ENPP2: variants seen among roughly 807,000 people sequenced by gnomAD.
The protein encoded by ENPP2 is ectonucleotide pyrophosphatase/phosphodiesterase 2.
Under a neutral mutation model 120.2 loss-of-function variants are expected in ENPP2, and 51 were observed. The ratio of observed to expected loss-of-function variants is 0.42; its 90% confidence interval spans 0.34 to 0.54. The LOEUF (loss-of-function observed/expected upper bound fraction) is 0.54, where lower values mean the gene tolerates loss of function less well. Ranked by LOEUF, ENPP2 falls within the 20% of genes least tolerant of loss-of-function variation. ENPP2 has a pLI of 0.04. For missense variants in ENPP2, 920 were observed against 1,066.5 expected (o/e 0.86, Z 1.91); for synonymous variants, 365 against 366.4 (o/e 1.00, Z 0.04).
intron 9 of ENPP2, among the ~76,000 whole-genome samples, chr8:119,605,991 A>G (rs1587460677): frequency 6.6e-6 from 1 of 152,174 alleles, no homozygotes; most frequent in East Asian, 1.9e-4. Context: ...AAAAGGCAAG[A>G]ATAATTCTAG....
At chr8:119,655,912 A>G (rs993834249) in intron 1 of ENPP2, among the ~76,000 whole-genome samples, 3 of 152,174 alleles carry the variant, frequency 2.0e-5, no homozygotes, top group African/African-American at 7.2e-5. Context: ...AACTCCTCCA[A>G]TCTCTCAAGT....
intron 1 of ENPP2, among the ~76,000 whole-genome samples, chr8:119,653,210 A>G (rs1817674438): frequency 6.6e-6 from 1 of 152,188 alleles, no homozygotes; most frequent in African/African-American, 2.4e-5. Flanking sequence ...AGAGGTCCTT[A>G]TCACCCAACC....
At chr8:119,665,314 A>G (rs1052002057) in intron 1 of ENPP2, among the ~76,000 whole-genome samples, 1 of 152,194 alleles carries the variant, frequency 6.6e-6, no homozygotes, top group Non-Finnish European at 1.5e-5. Flanking sequence ...CTCCTCAGAT[A>G]AAAATATTCC....
chr8:119,557,826 G>T (rs1334373224), intron 24 of ENPP2, 135 bp from the exon 25 acceptor site: 1 of 609,176 alleles, frequency 1.6e-6, no homozygotes, highest in East Asian at 3.2e-5. Context: ...ATCCTTCCTG[G>T]CCTCCCTGCC....
At chr8:119,570,146 C>T (rs553612750) in intron 20 of ENPP2, among the ~76,000 whole-genome samples, 10 of 151,806 alleles carry the variant, frequency 6.6e-5, no homozygotes, top group Admixed American at 2.6e-4. Context: ...GCGTGCATCT[C>T]TAATTCCAGC....
At chr8:119,624,688 G>A (rs1004988297) in intron 3 of ENPP2, among the ~76,000 whole-genome samples, 5 of 152,076 alleles carry the variant, frequency 3.3e-5, no homozygotes, top group South Asian at 2.1e-4. Context: ...TCAAAAGGAC[G>A]ATTTGTATAA....
rs1461095653 is a variant in ENPP2 at position 119,619,269 on chromosome 8, T to C, written c.454A>G (p.Ile152Val). 2 of 1,613,142 alleles carry C rather than the reference T, an allele frequency of 1.2e-6. No homozygotes were observed. The highest frequency in any genetic ancestry group is 1.3e-5 in the African/African-American group (1 of 75,016). ...CCTGCAGGGCATTCTGCGGCCTTTATTTCCTCACAGTCATCATCAACCCAA... is the reference window on the plus strand; with the variant it reads ...CCTGCAGGGCATTCTGCGGCCTTTACTTCCTCACAGTCATCATCAACCCAA... ...SHWVDDDCEE[I>V]KAAECPAGFV... The change falls in exon 5 of 25, where the codon ATA becomes GTA. Residue 152 changes from isoleucine to valine, a missense_variant. Physicochemically the swap from Ile to Val is conservative, Grantham distance 29. Coordinates refer to ENST00000075322, the MANE Select transcript of ENPP2 (RefSeq NM_001040092.3).
At chr8:119,655,871 T>C (rs559224662) in intron 1 of ENPP2, among the ~76,000 whole-genome samples, 1 of 152,316 alleles carries the variant, frequency 6.6e-6, no homozygotes, top group South Asian at 2.1e-4. Context: ...CACTATGCAA[T>C]GGGACATTTA....
chr8:119,651,597 A>G (rs1468008721), intron 1 of ENPP2, among the ~76,000 whole-genome samples: 2 of 152,218 alleles, frequency 1.3e-5, no homozygotes, highest in Admixed American at 1.3e-4. Flanking sequence ...ACCTGAGTCT[A>G]CTAAAGGCAG....
Position 119,570,783 on chromosome 8 carries a change from T to G in ENPP2, c.1839A>C (p.Leu613Phe). ...AACCACTTTCAAAGTCAGTGTGATA[T>G]AAGATATCATATCTAGTCCGATAAA... ...AVLYRTRYDI[L>F]YHTDFESGYS... Residue 613 changes from leucine to phenylalanine, a missense_variant, in exon 20 of 25, where the codon TTA becomes TTC. Coordinates refer to ENST00000075322, the MANE Select transcript of ENPP2 (RefSeq NM_001040092.3). 1 of 1,593,460 alleles carries G rather than the reference T, an allele frequency of 6.3e-7. No homozygotes were observed. Among genetic ancestry groups the G allele is most frequent in the South Asian group, 1.1e-5 (1 of 87,586 alleles).
At chr8:119,667,812 T>A (rs761065072) in intron 1 of ENPP2, among the ~76,000 whole-genome samples, 1 of 152,160 alleles carries the variant, frequency 6.6e-6, no homozygotes, top group Non-Finnish European at 1.5e-5. Flanking sequence ...CTTCATTGGC[T>A]CCCCATTTTC....
intron 2 of ENPP2, among the ~76,000 whole-genome samples, chr8:119,634,963 T>C (rs1816910095): frequency 1.3e-5 from 2 of 152,254 alleles, no homozygotes; most frequent in South Asian, 4.1e-4. Flanking sequence ...TTCCATTGAC[T>C]CAAACTCCCC....
chr8:119,612,344 C>T (rs1815168093), intron 8 of ENPP2, among the ~76,000 whole-genome samples: 1 of 152,166 alleles, frequency 6.6e-6, no homozygotes, highest in African/African-American at 2.4e-5. Flanking sequence ...AATATTGTCT[C>T]TTTATCAGGA....
chr8:119,641,468 C>T (rs1587560111), upstream of ENPP2, among the ~76,000 whole-genome samples: 1 of 152,328 alleles, frequency 6.6e-6, no homozygotes, highest in Non-Finnish European at 1.5e-5. Flanking sequence ...AATAAGGACA[C>T]ATGTGGCTGG....
intron 3 of ENPP2, among the ~76,000 whole-genome samples, chr8:119,623,544 G>T (rs1816056741): frequency 6.6e-6 from 1 of 152,164 alleles, no homozygotes; most frequent in Non-Finnish European, 1.5e-5. Flanking sequence ...TCATTAGCCA[G>T]AAAACCATGC....
intron 12 of ENPP2, chr8:119,592,921 C>T: frequency 1.1e-6 from 1 of 915,428 alleles, no homozygotes; most frequent in Non-Finnish European, 1.3e-6. Context: ...GGAGATTTGC[C>T]TACCATTCTT....
intron 17 of ENPP2, among the ~76,000 whole-genome samples, chr8:119,583,211 G>A (rs1224525686): frequency 1.3e-5 from 2 of 152,280 alleles, no homozygotes; most frequent in South Asian, 2.1e-4. Flanking sequence ...AAAGAACCCA[G>A]GAGACCCGAC....
chr8:119,641,252 C>T (rs1194768900), upstream of ENPP2, among the ~76,000 whole-genome samples: 1 of 151,712 alleles, frequency 6.6e-6, no homozygotes, highest in Non-Finnish European at 1.5e-5. Flanking sequence ...ACCAAGATGA[C>T]CAAAGTCCCT....
chr8:119,661,832 G>A (rs1183965495), intron 1 of ENPP2, among the ~76,000 whole-genome samples: 1 of 152,086 alleles, frequency 6.6e-6, no homozygotes, highest in African/African-American at 2.4e-5. Context: ...GGAATACTAG[G>A]CAGCCTTAAA....
Sources: allele counts gnomAD v4.1 joint callset (sites outside exome capture counted in the v4.1 genomes callset), GRCh38; gene constraint gnomAD v4.1.1; transcripts MANE v1.5; gene names NCBI Gene and HGNC (gene_info 2026-07-23, HGNC 2026-07-21).